Variants in EPS8 observed in about 807,000 individuals in gnomAD.
The protein encoded by EPS8 is epidermal growth factor receptor kinase substrate 8.
A neutral mutation model predicts 103.8 loss-of-function variants in EPS8; 42 were observed. The ratio of observed to expected loss-of-function variants is 0.40; its 90% CI spans 0.32 to 0.52. The LOEUF (loss-of-function observed/expected upper bound fraction) is 0.52. EPS8 is among the 20% of genes least tolerant of loss of function. The pLI is 0.40. For synonymous variants in EPS8, 344 were observed against 344.6 expected (o/e 1.00, Z 0.02); for missense variants, 969 against 1,005.1 (o/e 0.96, Z 0.49).
rs1189179810 is a variant in EPS8 at position 15,772,703 on chromosome 12, A to G, written c.-22+16458T>C. On this transcript the variant is annotated intron_variant, in intron 1 of 20. Transcript: ENST00000281172. This position sits in a 1 kb window ranked among gnomAD's most constrained non-coding sequence, Gnocchi z 5.0. The stretch of plus-strand genomic sequence containing the variant: ...AATCAACATCTAAGTGTAGATGGGT[A>G]ACAAAGCAGAGGTAGATGTTAACCA... Among the ~76,000 whole-genome samples the G allele has an allele frequency of 6.6e-6, 1 of 151,924 alleles. No homozygotes were observed. Among genetic ancestry groups the G allele is most frequent in the Non-Finnish European group, 1.5e-5 (1 of 67,940 alleles).
intron 1 of EPS8, among the ~76,000 whole-genome samples, chr12:15,687,446 T>C (rs1392207119): frequency 6.6e-6 from 1 of 152,142 alleles, no homozygotes; most frequent in East Asian, 1.9e-4. Flanking sequence ...TGCCTTTAAG[T>C]CAACACAATA....
intron 1 of EPS8, among the ~76,000 whole-genome samples, chr12:15,722,327 C>A (rs1175684132): frequency 6.6e-6 from 1 of 152,040 alleles, no homozygotes; most frequent in African/African-American, 2.4e-5. Context: ...AACAATTACC[C>A]CCCCCAAAAA....
rs1401184765 is a variant in EPS8, at chr12:15,761,803, TC to T, written c.-22+27357del. Reference sequence around the variant, plus strand: ...ATCAAAGCTAAATAGATTAAAGACTTCAATCTAAGACCTCAAACTATGAAAC... The same window carrying T: ...ATCAAAGCTAAATAGATTAAAGACTTAATCTAAGACCTCAAACTATGAAAC... On this transcript the variant is annotated intron_variant, in intron 1 of 20. Transcript: ENST00000281172. The surrounding 1 kb of genome is among the most constrained non-coding windows in gnomAD (Gnocchi z 4.5). 6.6e-6 allele frequency among the ~76,000 whole-genome samples: 1 copy of T among 152,076 alleles called. No individual in the cohort carries two copies. The highest frequency in any genetic ancestry group is 2.4e-5 in the African/African-American group (1 of 41,404).
intron 1 of EPS8, among the ~76,000 whole-genome samples, chr12:15,763,281 T>C (rs925563931): frequency 1.4e-4 from 22 of 152,062 alleles, no homozygotes; most frequent in Admixed American, 1.4e-3. Context: ...GGTTCAAACA[T>C]TAAACTTTCC....
At chr12:15,775,741 G>T (rs1215753012) in intron 1 of EPS8, among the ~76,000 whole-genome samples, 1 of 152,116 alleles carries the variant, frequency 6.6e-6, no homozygotes, top group East Asian at 1.9e-4. Context: ...TAAGAATGTT[G>T]TCTATCTTGT....
chr12:15,645,029 T>C (rs1223629970), intron 15 of EPS8, among the ~76,000 whole-genome samples: 1 of 152,146 alleles, frequency 6.6e-6, no homozygotes, highest in Non-Finnish European at 1.5e-5. Flanking sequence ...ATTCTTTCTA[T>C]GGTGAAATTC....
intron 3 of EPS8, among the ~76,000 whole-genome samples, chr12:15,674,224 G>T (rs1203243723): frequency 6.6e-6 from 1 of 152,112 alleles, no homozygotes; most frequent in Non-Finnish European, 1.5e-5. Flanking sequence ...CAAAGATACA[G>T]CTAATATTTA....
chr12:15,656,033 A>G (rs548280852), intron 12 of EPS8, among the ~76,000 whole-genome samples: 2 of 152,336 alleles, frequency 1.3e-5, no homozygotes, highest in Admixed American at 6.5e-5. Context: ...AAGTAAACCA[A>G]TGTTTTCAGG....
In EPS8 at chr12:15,658,221, T is replaced by C. The variant is rs1315626061; in HGVS notation, c.1027-68A>G. The C allele has an allele frequency of 1.6e-5, 17 of 1,061,186 alleles. 1 individual carries two copies. Among genetic ancestry groups the C allele is most frequent in the East Asian group, 9.6e-5 (4 of 41,558 alleles). The allele number at this position is 1,061,186 out of a possible 1,614,324, so 65.7% of individuals were successfully genotyped here. A position where few individuals can be genotyped will look rare whatever the true frequency, so the allele number is the denominator to read the frequency against. On this transcript the variant is annotated intron_variant, in intron 11 of 20. Coordinates refer to ENST00000281172, the MANE Select transcript of EPS8 (RefSeq NM_004447.6). The stretch of plus-strand genomic sequence containing the variant: ...GACAGACACTCAGAAAGGTCCAACA[T>C]AGACACAGAGGGGACGGTCTTTACC...
At chr12:15,644,454 G>C (rs1342316551) in intron 15 of EPS8, among the ~76,000 whole-genome samples, 11 of 152,058 alleles carry the variant, frequency 7.2e-5, no homozygotes, top group Non-Finnish European at 1.6e-4. Context: ...CAGCACTTTG[G>C]GAGGCCGAAG....
At position 15,696,936 on chromosome 12, in the gene EPS8, T is replaced by C. The variant is rs1053420225; in HGVS notation, c.-21-13964A>G. On this transcript the variant is annotated intron_variant, in intron 1 of 20. Coordinates refer to ENST00000281172, the MANE Select transcript of EPS8 (RefSeq NM_004447.6). The surrounding 1 kb of genome is among the most constrained non-coding windows in gnomAD (Gnocchi z 4.8). ...ACCTTCATGTTCCCGGATCACATTA[T>C]ATAGATTTTTGTTTGGGAATTTCAG... Among the ~76,000 whole-genome samples, 1 of 152,188 alleles carries C rather than the reference T, an allele frequency of 6.6e-6. No individual in the cohort carries two copies. The highest frequency in any genetic ancestry group is 2.4e-5 in the African/African-American group (1 of 41,452).
rs1947054137 is a variant in EPS8, at chr12:15,762,682, ACAT to A, written c.-22+26476_-22+26478del. Among the ~76,000 whole-genome samples the A allele has an allele frequency of 6.6e-6, 1 of 152,214 alleles. No homozygotes were observed. Among genetic ancestry groups the A allele is most frequent in the Non-Finnish European group, 1.5e-5 (1 of 68,032 alleles). The stretch of plus-strand genomic sequence containing the variant: ...AGTGAAATAAGCCAGGCACAGAAAA[ACAT>A]CATATGTTCTCATTTATTTGCAGAA... On this transcript the variant is annotated intron_variant, in intron 1 of 20. Transcript: ENST00000281172. This position sits in a 1 kb window ranked among gnomAD's most constrained non-coding sequence, Gnocchi z 4.8.
At position 15,777,216 on chromosome 12, in the gene EPS8, T is replaced by A; in HGVS notation, c.-22+11945A>T. 6.6e-6 allele frequency among the ~76,000 whole-genome samples: 1 copy of A among 152,176 alleles called. No individual in the cohort carries two copies. The highest frequency in any genetic ancestry group is 3.4e-3 in the Middle Eastern group (1 of 294). On this transcript the variant is annotated intron_variant, in intron 1 of 20. Coordinates refer to ENST00000281172, the MANE Select transcript of EPS8 (RefSeq NM_004447.6). The surrounding 1 kb of genome is among the most constrained non-coding windows in gnomAD (Gnocchi z 4.7). ...TACATTATATAACTCAAGATATATTTTAATTCAAATTCTAAAATTCCCTAC... is the reference window on the plus strand; with the variant it reads ...TACATTATATAACTCAAGATATATTATAATTCAAATTCTAAAATTCCCTAC...
At chr12:15,629,618 C>G (rs191021386) in intron 18 of EPS8, among the ~76,000 whole-genome samples, 36 of 152,286 alleles carry the variant, frequency 2.4e-4, no homozygotes, top group Admixed American at 2.4e-3. Flanking sequence ...CTCACGCACA[C>G]AGTTGTTTTT....
In EPS8 at chr12:15,669,491, C is replaced by T. The variant is rs1359233859; in HGVS notation, c.412G>A (p.Ala138Thr). ...FPLNTIQHCQ[A>T]VMHSCSYDSV... is the part of the protein sequence containing the mutation. ...TCATAGCTGCATGAATGCATCACAG[C>T]TTGGCAGTGCTGGATTGTGTTTAAA... is the stretch of plus-strand genomic sequence containing the variant. Residue 138 changes from alanine to threonine, a missense_variant, in exon 6 of 21, where the codon GCT becomes ACT. By Grantham distance (58) the Ala-to-Thr change is moderately conservative (BLOSUM62 0). Coordinates refer to ENST00000281172, the MANE Select transcript of EPS8 (RefSeq NM_004447.6). 3 of 1,613,468 alleles carry T rather than the reference C, an allele frequency of 1.9e-6. No individual in the cohort carries two copies. The highest frequency in any genetic ancestry group is 2.5e-6 in the Non-Finnish European group (3 of 1,179,754).
At chr12:15,723,592 A>G (rs1724083150) in intron 1 of EPS8, among the ~76,000 whole-genome samples, 1 of 152,184 alleles carries the variant, frequency 6.6e-6, no homozygotes, top group African/African-American at 2.4e-5. Flanking sequence ...GTCAAGTTCT[A>G]ATTTAAAAAA....
Position 15,764,398 on chromosome 12 carries a change from C to T in EPS8, c.-22+24763G>A, listed in dbSNP as rs1947072348. ...AGGAGCTGAATGACAAGTCAAGAGA[C>T]AATCTGTTCAAGTCCACAAGGTTCC... On this transcript the variant is annotated intron_variant, in intron 1 of 20. Transcript: ENST00000281172. This position sits in a 1 kb window ranked among gnomAD's most constrained non-coding sequence, Gnocchi z 4.1. 6.6e-6 allele frequency among the ~76,000 whole-genome samples: 1 copy of T among 152,160 alleles called. No homozygotes were observed. The highest frequency in any genetic ancestry group is 2.4e-5 in the African/African-American group (1 of 41,434).
intron 15 of EPS8, among the ~76,000 whole-genome samples, chr12:15,645,638 G>A (rs1945307590): frequency 6.6e-6 from 1 of 152,064 alleles, no homozygotes; most frequent in African/African-American, 2.4e-5. Flanking sequence ...GTGGTAAGGT[G>A]CCCAAAATAA....
rs553332724 is a variant in EPS8, at chr12:15,691,849, TC to T, written c.-21-8878del. Among the ~76,000 whole-genome samples, 39 of 152,158 alleles carry T rather than the reference TC, an allele frequency of 2.6e-4. No individual in the cohort carries two copies. The East Asian group carries it at 6.9e-3, about 27-fold the overall frequency. ...TCTTCTGTTTGTTAATAATTATCTT[TC>T]CCCCCAACTCTTAGTGATCCTATGT... On this transcript the variant is annotated intron_variant, in intron 1 of 20. Transcript: ENST00000281172.
Sources: gnomAD v4.1 joint callset for allele counts (sites outside exome capture counted in the v4.1 genomes callset) on GRCh38, gnomAD v4.1.1 for gene constraint, Gnocchi (gnomAD v3.1) non-coding constraint, MANE v1.5 for transcripts, NCBI Gene and HGNC (gene_info 2026-07-23, HGNC 2026-07-21) for gene names.